CDH18: variants seen among roughly 807,000 people sequenced by gnomAD.
CDH18 encodes cadherin 18.
A neutral mutation model predicts 67.9 loss-of-function variants in CDH18; 31 were observed. The ratio of observed to expected loss-of-function variants is 0.46; its 90% CI spans 0.34 to 0.62. The LOEUF (loss-of-function observed/expected upper bound fraction) is 0.62, where lower values mean the gene tolerates loss of function less well. Ranked by LOEUF, CDH18 falls within the 20% of genes least tolerant of loss-of-function variation. The pLI is 0.01. For synonymous variants in CDH18, 362 were observed against 347.2 expected, an observed-to-expected ratio of 1.04 and a Z score of -0.48; for missense variants, 890 against 975.5, an observed-to-expected ratio of 0.91 and a Z score of 1.17.
chr5:19,967,971 C>T (rs1396781652), intron 2 of CDH18, among the ~76,000 whole-genome samples: 1 of 151,116 alleles, frequency 6.6e-6, no homozygotes, highest in Non-Finnish European at 1.5e-5. Context: ...TCTCCTTAAG[C>T]TGATAAGCAA....
chr5:19,478,883 T>A (rs941339069), intron 12 of CDH18, among the ~76,000 whole-genome samples: 1 of 152,178 alleles, frequency 6.6e-6, no homozygotes, highest in Non-Finnish European at 1.5e-5. Flanking sequence ...AGGCTCACTC[T>A]AAATTCTCTT....
At chr5:19,509,118 C>A (rs1363463972) in intron 10 of CDH18, among the ~76,000 whole-genome samples, 1 of 152,072 alleles carries the variant, frequency 6.6e-6, no homozygotes. Context: ...ATCTGCCCTC[C>A]TTGGCCTCCC....
At chr5:20,453,275 C>A (rs886510663) in intron 1 of CDH18, among the ~76,000 whole-genome samples, 2 of 152,144 alleles carry the variant, frequency 1.3e-5, no homozygotes, top group Non-Finnish European at 2.9e-5. Flanking sequence ...CTTTAAGCTG[C>A]CCCGTCACTT....
At chr5:19,604,578 A>ACAC (rs1747731305) in intron 6 of CDH18, among the ~76,000 whole-genome samples, 1 of 141,490 alleles carries the variant, frequency 7.1e-6, no homozygotes, top group African/African-American at 2.8e-5. Context: ...CACACACACA[A>ACAC]AGTATTCTGA....
chr5:19,530,998 A>T (rs1236817738), intron 9 of CDH18, among the ~76,000 whole-genome samples: 2 of 152,050 alleles, frequency 1.3e-5, no homozygotes, highest in Admixed American at 1.3e-4. Context: ...AGTGAGATGA[A>T]CCCGGTACCT....
At chr5:20,464,686 T>C (rs966793399) in intron 1 of CDH18, among the ~76,000 whole-genome samples, 2 of 152,176 alleles carry the variant, frequency 1.3e-5, no homozygotes, top group African/African-American at 4.8e-5. Context: ...CAAATTCTGA[T>C]AGTATTAAAG....
Position 20,133,948 on chromosome 5 carries a change from A to G in CDH18, c.-518+121496T>C, listed in dbSNP as rs552321544. Among the ~76,000 whole-genome samples the G allele has an allele frequency of 7.9e-5, 12 of 152,192 alleles. 1 individual carries two copies. In the South Asian group the frequency reaches 2.3e-3, roughly 29 times the overall value. On this transcript the variant is annotated intron_variant, in intron 2 of 14. Transcript: ENST00000507958. Reference sequence around the variant, plus strand: ...GCTCATCACATTATATATGTCTTACAACTTTTGATAATGCCCCACATTTCT... The same window carrying G: ...GCTCATCACATTATATATGTCTTACGACTTTTGATAATGCCCCACATTTCT...
At chr5:20,552,814 C>T (rs1222408977) in intron 1 of CDH18, among the ~76,000 whole-genome samples, 1 of 151,602 alleles carries the variant, frequency 6.6e-6, no homozygotes, top group African/African-American at 2.4e-5. Flanking sequence ...AGTGCAGTGG[C>T]GTGTGATCTC....
At chr5:19,635,331 T>G (rs1752984465) in intron 5 of CDH18, among the ~76,000 whole-genome samples, 1 of 152,224 alleles carries the variant, frequency 6.6e-6, no homozygotes, top group South Asian at 2.1e-4. Flanking sequence ...ATATGCTTAC[T>G]GATGTTTGAT....
At chr5:19,534,297 T>TAA (rs144322921) in intron 9 of CDH18, among the ~76,000 whole-genome samples, 6 of 151,090 alleles carry the variant, frequency 4.0e-5, no homozygotes, top group Admixed American at 6.6e-5. Context: ...ATTAATACAT[T>TAA]AAAAAAAAAC....
intron 2 of CDH18, among the ~76,000 whole-genome samples, chr5:20,238,615 A>C (rs1287771264): frequency 6.6e-6 from 1 of 152,172 alleles, no homozygotes; most frequent in Non-Finnish European, 1.5e-5. Flanking sequence ...GGAGATGTAA[A>C]ATGGTATATT....
intron 5 of CDH18, among the ~76,000 whole-genome samples, chr5:19,643,907 T>G (rs1339699350): frequency 1.3e-5 from 2 of 152,128 alleles, no homozygotes; most frequent in East Asian, 3.9e-4. Context: ...GATAAATATT[T>G]CACAATGTAT....
intron 6 of CDH18, among the ~76,000 whole-genome samples, chr5:19,597,567 TCTC>T (rs1746376059): frequency 6.6e-6 from 1 of 151,986 alleles, no homozygotes; most frequent in African/African-American, 2.4e-5. Context: ...GCTGATTATT[TCTC>T]CTCCTATGAT....
At chr5:20,522,106 C>T (rs1299321575) in intron 1 of CDH18, among the ~76,000 whole-genome samples, 5 of 152,062 alleles carry the variant, frequency 3.3e-5, no homozygotes, top group African/African-American at 9.7e-5. Context: ...CAGAGAAAGA[C>T]GTCAGAAACA....
intron 1 of CDH18, among the ~76,000 whole-genome samples, chr5:20,547,521 A>T (rs1468809717): frequency 5.3e-5 from 8 of 151,264 alleles, no homozygotes; most frequent in Non-Finnish European, 1.0e-4. Flanking sequence ...AGATCGCACC[A>T]TTGCACTCCA....
intron 4 of CDH18, among the ~76,000 whole-genome samples, chr5:19,723,460 T>C (rs1324453659): frequency 6.6e-6 from 1 of 152,108 alleles, no homozygotes; most frequent in Non-Finnish European, 1.5e-5. Context: ...ATTTTAACAA[T>C]GAGACTCTAA....
intron 3 of CDH18, among the ~76,000 whole-genome samples, chr5:19,806,775 T>G (rs1778079837): frequency 6.6e-6 from 1 of 152,228 alleles, no homozygotes; most frequent in Non-Finnish European, 1.5e-5. Context: ...TTTGATTTTC[T>G]GAAAACCTTT....
chr5:20,069,330 G>T (rs537119932), intron 2 of CDH18, among the ~76,000 whole-genome samples: 5 of 152,074 alleles, frequency 3.3e-5, no homozygotes, highest in South Asian at 4.2e-4. Flanking sequence ...TCTCAGAAAG[G>T]CTTCTTGGTC....
chr5:19,689,901 GA>G (rs1761623171), intron 5 of CDH18, among the ~76,000 whole-genome samples: 3 of 151,692 alleles, frequency 2.0e-5, no homozygotes, highest in South Asian at 2.1e-4. Flanking sequence ...CATATAGACT[GA>G]AAGTAAAGGA....
Sources: gnomAD v4.1 joint callset for allele counts (sites outside exome capture counted in the v4.1 genomes callset) on GRCh38, gnomAD v4.1.1 for gene constraint, MANE v1.5 for transcripts, NCBI Gene and HGNC (gene_info 2026-07-23, HGNC 2026-07-21) for gene names.